The following ADAM8 variants were observed in gnomAD, a reference collection of about 807,000 sequenced individuals.
ADAM8 encodes disintegrin and metalloproteinase domain-containing protein 8.
In ADAM8, 104 loss-of-function variants were observed where a neutral mutation model predicts 102.4. The ratio of observed to expected loss-of-function variants is 1.02; its 90% CI spans 0.87 to 1.20. ADAM8 has a LOEUF of 1.20. ADAM8 is among the 50% of genes most tolerant of loss of function. ADAM8 has a pLI of 0.00. For missense variants in ADAM8, 1,132 were observed against 1,159.0 expected (o/e 0.98, Z 0.34); for synonymous variants, 517 against 485.2 (o/e 1.07, Z -0.86).
Position 133,270,789 on chromosome 10 carries a change from CT to C in ADAM8, c.1580del (p.Glu527GlyfsTer118). ...AFWGPGGQAA[E>X]ESCFSYDILP... ...GGATGTCATAGGAGAAGCAGGACTC[CT>C]CGGCAGCCTGCCCACCTGTGGGACC... is the stretch of plus-strand genomic sequence containing the variant. On this transcript the variant is annotated frameshift_variant, in exon 15 of 23. Transcript: ENST00000445355. LOFTEE classifies it high-confidence loss of function. 6.2e-7 allele frequency: 1 copy of C among 1,606,600 alleles called. No individual in the cohort carries two copies. Among genetic ancestry groups the C allele is most frequent in the Non-Finnish European group, 8.5e-7 (1 of 1,176,006 alleles).
At position 133,271,576 on chromosome 10, in the gene ADAM8, C is replaced by G. The variant is rs1159905944; in HGVS notation, c.1236G>C (p.Gly412=). 1 of 1,559,596 alleles carries G rather than the reference C, an allele frequency of 6.4e-7. No individual in the cohort carries two copies. The highest frequency in any genetic ancestry group is 8.7e-7 in the Non-Finnish European group (1 of 1,151,910). Residue 412 remains glycine, a synonymous_variant, in exon 12 of 23, where the codon GGG becomes GGC. Coordinates refer to ENST00000445355, the MANE Select transcript of ADAM8 (RefSeq NM_001109.5). ...GCTCCCCACGCTCCACAAACAGGTT[C>G]CCACACACGGGGCCGCCCACCAGGT... ...LSHLVGGPVC[G]NLFVERGEQC... is the part of the protein sequence containing the mutation.
At position 133,272,819 on chromosome 10, in the gene ADAM8, C is replaced by T. The variant is rs772082725; in HGVS notation, c.684G>A (p.Glu228=). The change falls in exon 8 of 23, where the codon GAG becomes GAA. Residue 228 remains glutamate, a synonymous_variant. Transcript: ENST00000445355. ...SEAAVRHRVL[E]VVNHVDKLYQ... ...CCACCTTGTCCACGTGATTCACCAC[C>T]TCCAGCACCCGATGACGCACGGCTG... The T allele has an allele frequency of 1.9e-6, 3 of 1,611,130 alleles. No homozygotes were observed. The highest frequency in any genetic ancestry group is 1.7e-5 in the Admixed American group (1 of 59,940).
chr10:133,263,781 C>T lies in ADAM8; in HGVS notation c.2320-16G>A. ...GCTTGATGACCTGGGAGGAAACAGA[C>T]ACAGCTGACATGGGTCCCCCAGGCA... is the stretch of plus-strand genomic sequence containing the variant. On this transcript the variant is annotated splice_polypyrimidine_tract_variant and intron_variant, in intron 21 of 22. Transcript: ENST00000445355. The T allele has an allele frequency of 6.5e-7, 1 of 1,532,458 alleles. No individual in the cohort carries two copies. The highest frequency in any genetic ancestry group is 8.8e-7 in the Non-Finnish European group (1 of 1,136,960). The allele number at this position is 1,532,458 out of a possible 1,614,324, so 94.9% of individuals were successfully genotyped here.
In ADAM8 at chr10:133,262,838, GCCT is replaced by G; in HGVS notation, c.*315_*317del. 1.1e-5 allele frequency: 4 copies of G among 361,100 alleles called. No individual in the cohort carries two copies. The highest frequency in any genetic ancestry group is 2.1e-5 in the Non-Finnish European group (4 of 194,782). The allele number at this position is 361,100 out of a possible 1,614,324, so 22.4% of individuals were successfully genotyped here. On this transcript the variant is annotated 3_prime_UTR_variant, in exon 23 of 23. Coordinates refer to ENST00000445355, the MANE Select transcript of ADAM8 (RefSeq NM_001109.5). The stretch of plus-strand genomic sequence containing the variant: ...GTGGCTGGGAGGGGCTGTATATGTG[GCCT>G]CCTGAACACAGCGGGAGACCAGCGG...
At chr10:133,272,117 A>C in intron 10 of ADAM8, 76 bp downstream of exon 10, 1 of 1,509,388 alleles carries the variant, frequency 6.6e-7, no homozygotes, top group Non-Finnish European at 9.0e-7. Context: ...CCTGCTCCAG[A>C]GACCTGGACC....
In ADAM8 at chr10:133,273,257, G is replaced by T. The variant is rs374243861; in HGVS notation, c.570C>A (p.Pro190=). The part of the protein sequence containing the change: ...PRTAAVFRPR[P]GDSLPSRETR... ...CACAGGAGACAAGGGTGCTCACCCC[G>T]GGCCGAGGCCTGAAGACGGCTGCCG... Residue 190 remains proline, a synonymous_variant, in exon 6 of 23, where the codon CCC becomes CCA. Transcript: ENST00000445355. The T allele has an allele frequency of 4.0e-4, 639 of 1,602,158 alleles. 1 individual carries two copies. The highest frequency in any genetic ancestry group is 5.1e-4 in the Non-Finnish European group (594 of 1,175,662).
At chr10:133,275,644 AGGCCTCCTG>A in intron 1 of ADAM8, 57 bp from the exon 2 acceptor site, 1 of 956,076 alleles carries the variant, frequency 1.0e-6, no homozygotes. Context: ...TCCTTCCCAG[AGGCCTCCTG>A]GGCCCTCAGA....
chr10:133,269,497 G>C lies in ADAM8; in HGVS notation c.1896C>G (p.His632Gln). The C allele has an allele frequency of 6.3e-7, 1 of 1,599,098 alleles. No homozygotes were observed. Among genetic ancestry groups the C allele is most frequent in the Non-Finnish European group, 8.5e-7 (1 of 1,178,222 alleles). The change falls in exon 18 of 23, where the codon CAC becomes CAG. Residue 632 changes from histidine (H) to glutamine (Q), a missense_variant. By Grantham distance (24) the His-to-Gln change is conservative. Coordinates refer to ENST00000445355, the MANE Select transcript of ADAM8 (RefSeq NM_001109.5). ...VCNHKQECHC[H>Q]AGWAPPHCAK... ...CGCAGTGGGGCGGGGCCCAGCCCGC[G>C]TGGCAGTGGCACTCCTGCTTGTGGT...
rs752104438 is a variant in ADAM8 at position 133,270,765 on chromosome 10, G to A, written c.1605C>T (p.Ile535=). 1.9e-6 allele frequency: 3 copies of A among 1,607,170 alleles called. No individual in the cohort carries two copies. The highest frequency in any genetic ancestry group is 2.5e-6 in the Non-Finnish European group (3 of 1,176,804). The change falls in exon 15 of 23, where the codon ATC becomes ATT. Residue 535 remains isoleucine (I), a synonymous_variant. Coordinates refer to ENST00000445355, the MANE Select transcript of ADAM8 (RefSeq NM_001109.5). ...AAEESCFSYD[I]LPGCKASRYR... is the part of the protein sequence containing the mutation. ...ACCGGCTGGCCTTGCAGCCTGGTAG[G>A]ATGTCATAGGAGAAGCAGGACTCCT...
chr10:133,263,973 C>T (rs557486898), intron 21 of ADAM8: 114 of 451,212 alleles, frequency 2.5e-4, no homozygotes, highest in African/African-American at 1.7e-3. Flanking sequence ...AGTGGCAGAA[C>T]GCCATCCTGG....
intron 21 of ADAM8, among the ~76,000 whole-genome samples, chr10:133,265,681 C>T (rs979958138): frequency 6.6e-6 from 1 of 151,792 alleles, no homozygotes; most frequent in Non-Finnish European, 1.5e-5. Context: ...CCTGTAGTCT[C>T]AGATACATTG....
chr10:133,263,328 T>C, intron 22 of ADAM8, 95 bp from the exon 23 acceptor site: 2 of 1,225,706 alleles, frequency 1.6e-6, no homozygotes, highest in Non-Finnish European at 2.2e-6. Flanking sequence ...TAACATCTCT[T>C]AAAATGTGGA....
chr10:133,273,466 G>A, intron 5 of ADAM8, 23 bp from the exon 6 acceptor site: 2 of 1,521,340 alleles, frequency 1.3e-6, no homozygotes, highest in Non-Finnish European at 1.8e-6. Context: ...GGAGCCGGGT[G>A]TGCTGTGGGC....
At chr10:133,273,155 A>G (rs940959249) in intron 6 of ADAM8, 99 bp downstream of exon 6, 1 of 1,580,864 alleles carries the variant, frequency 6.3e-7, no homozygotes, top group African/African-American at 1.3e-5. Context: ...GGCTGCAGAC[A>G]ATGGGCAGCA....
intron 21 of ADAM8, among the ~76,000 whole-genome samples, chr10:133,266,421 A>C (rs113127918): frequency 7.3e-5 from 11 of 151,554 alleles, no homozygotes; most frequent in East Asian, 3.9e-4. Flanking sequence ...AAATGTTAAC[A>C]AAAAAAAAGC....
chr10:133,272,742 C>CA, intron 8 of ADAM8, 56 bp downstream of exon 8: 4 of 1,555,568 alleles, frequency 2.6e-6, no homozygotes, highest in East Asian at 2.3e-5. Context: ...GTGGCAACAC[C>CA]CCCCCCACCT....
intron 1 of ADAM8, among the ~76,000 whole-genome samples, chr10:133,276,160 G>A (rs999030375): frequency 6.6e-6 from 1 of 152,182 alleles, no homozygotes; most frequent in Non-Finnish European, 1.5e-5. Flanking sequence ...TAGTGGACGT[G>A]TCTCCATGAC....
chr10:133,273,692 C>A, intron 5 of ADAM8, 70 bp downstream of exon 5: 1 of 1,496,672 alleles, frequency 6.7e-7, no homozygotes, highest in South Asian at 1.2e-5. Flanking sequence ...CCTCCCTTCC[C>A]CACCCCCACC....
rs1846311536 is a variant in ADAM8 at position 133,265,986 on chromosome 10, C to T, written c.2319+1366G>A. Among the ~76,000 whole-genome samples the T allele has an allele frequency of 3.3e-5, 5 of 152,110 alleles. No homozygotes were observed. The South Asian group carries it at 6.2e-4, about 19-fold the overall frequency. ...AGCTTTCTAAGGAAAAATCTGTGGACGCTGCTCCAACTAGGCGCTGTGTCA... is the reference window on the plus strand; with the variant it reads ...AGCTTTCTAAGGAAAAATCTGTGGATGCTGCTCCAACTAGGCGCTGTGTCA... On this transcript the variant is annotated intron_variant, in intron 21 of 22. Coordinates refer to ENST00000445355, the MANE Select transcript of ADAM8 (RefSeq NM_001109.5).
Sources: gnomAD v4.1 joint callset for allele counts (sites outside exome capture counted in the v4.1 genomes callset) on GRCh38, gnomAD v4.1.1 for gene constraint, MANE v1.5 for transcripts, NCBI Gene and HGNC (gene_info 2026-07-23, HGNC 2026-07-21) for gene names.